Variants in LTN1 observed in about 807,000 individuals in gnomAD.
LTN1 encodes listerin E3 ubiquitin protein ligase 1, also known as E3 ubiquitin-protein ligase listerin.
In LTN1, 88 loss-of-function variants were observed where a neutral mutation model predicts 201.2. That is an observed-to-expected ratio of 0.44 (90% CI 0.37 to 0.52). The LOEUF (loss-of-function observed/expected upper bound fraction) is 0.52, where lower values mean the gene tolerates loss of function less well. LTN1 is among the 20% of genes least tolerant of loss of function. LTN1 has a pLI of 0.00. For missense variants in LTN1, 1,752 were observed against 2,038.7 expected (o/e 0.86, Z 2.71); for synonymous variants, 645 against 713.5 (o/e 0.90, Z 1.53).
chr21:28,977,497 C>T (rs1192268497), intron 6 of LTN1, among the ~76,000 whole-genome samples: 1 of 150,950 alleles, frequency 6.6e-6, no homozygotes, highest in African/African-American at 2.4e-5. Context: ...CTGAGGCGGG[C>T]AGATCACCTG....
At chr21:28,950,049 C>G (rs1474360315) in intron 18 of LTN1, among the ~76,000 whole-genome samples, 1 of 152,064 alleles carries the variant, frequency 6.6e-6, no homozygotes, top group East Asian at 1.9e-4. Context: ...TCACTTTTTT[C>G]AAAAATTTCT....
Position 28,947,599 on chromosome 21 carries a change from G to GA in LTN1, c.3351dup (p.Pro1118SerfsTer4), listed in dbSNP as rs988262129. The GA allele has an allele frequency of 4.5e-6, 7 of 1,540,980 alleles. No individual in the cohort carries two copies. Among genetic ancestry groups the GA allele is most frequent in the Admixed American group, 2.4e-5 (1 of 42,428 alleles). ...GTATGCAAATTGCCTTCAGTTAGTG[G>GA]AAAAAAACTGTTTAAAGAAAAAAAA... On this transcript the variant is annotated frameshift_variant, in exon 19 of 30. Coordinates refer to ENST00000361371, the MANE Select transcript of LTN1 (RefSeq NM_015565.3). LOFTEE classifies it high-confidence loss of function.
In LTN1 at chr21:28,936,625, G is replaced by C. The variant is rs2084259098; in HGVS notation, c.4555C>G (p.Leu1519Val). The C allele has an allele frequency of 1.2e-6, 2 of 1,613,890 alleles. No individual in the cohort carries two copies. Among genetic ancestry groups the C allele is most frequent in the Non-Finnish European group, 1.7e-6 (2 of 1,179,850 alleles). The change falls in exon 26 of 30, where the codon CTT becomes GTT. Residue 1519 changes from leucine to valine, a missense_variant. Physicochemically the swap from Leu to Val is conservative, Grantham distance 32. Around this residue, in one of 3 missense-constraint regions of LTN1, gnomAD observed 261 missense variants for 350.1 expected, o/e 0.75. Coordinates refer to ENST00000361371, the MANE Select transcript of LTN1 (RefSeq NM_015565.3). ...GCATAGGTTGGATTTTCTGGCATAAGCCTGAACAGGTGATAGAGCAATTTA... is the reference window on the plus strand; with the variant it reads ...GCATAGGTTGGATTTTCTGGCATAACCCTGAACAGGTGATAGAGCAATTTA... ...LNKLLYHLFR[L>V]MPENPTYAET...
chr21:28,951,570 T>C (rs2084382919), intron 18 of LTN1, among the ~76,000 whole-genome samples: 1 of 152,026 alleles, frequency 6.6e-6, no homozygotes. Flanking sequence ...ATCAGAGAGA[T>C]TTCTGGGGAA....
intron 6 of LTN1, among the ~76,000 whole-genome samples, chr21:28,980,704 G>GAC (rs1450829475): frequency 2.0e-5 from 3 of 152,042 alleles, no homozygotes; most frequent in Non-Finnish European, 4.4e-5. Flanking sequence ...CAGTATTCAT[G>GAC]ATGAGTTTAT....
intron 16 of LTN1, among the ~76,000 whole-genome samples, chr21:28,955,860 T>C (rs928926888): frequency 7.0e-6 from 1 of 143,854 alleles, no homozygotes; most frequent in Non-Finnish European, 1.5e-5. Context: ...GAAGCAGAGG[T>C]TGTGGTGAGC....
intron 18 of LTN1, among the ~76,000 whole-genome samples, chr21:28,951,082 T>C (rs1211787319): frequency 6.7e-6 from 1 of 149,710 alleles, no homozygotes; most frequent in African/African-American, 2.5e-5. Flanking sequence ...ACTGACTGTA[T>C]CAATGCCTTT....
At chr21:28,939,804 T>C (rs189535929) in intron 25 of LTN1, among the ~76,000 whole-genome samples, 1 of 152,292 alleles carries the variant, frequency 6.6e-6, no homozygotes, top group African/African-American at 2.4e-5. Flanking sequence ...TTTAAGAAAT[T>C]GATGTAAAAG....
At chr21:28,942,000 T>G (rs2084301003) in intron 24 of LTN1, among the ~76,000 whole-genome samples, 1 of 152,192 alleles carries the variant, frequency 6.6e-6, no homozygotes, top group Non-Finnish European at 1.5e-5. Context: ...ATTGAACTAC[T>G]CTACTCATTT....
intron 12 of LTN1, among the ~76,000 whole-genome samples, 161 bp downstream of exon 12, chr21:28,960,356 C>CAA (rs373367581): frequency 6.5e-5 from 6 of 92,496 alleles, no homozygotes; most frequent in East Asian, 2.7e-4. Flanking sequence ...GACTCAGTCT[C>CAA]AAAAAAAAAA....
At chr21:28,951,257 T>G (rs945072113) in intron 18 of LTN1, among the ~76,000 whole-genome samples, 2 of 152,230 alleles carry the variant, frequency 1.3e-5, no homozygotes, top group Non-Finnish European at 2.9e-5. Context: ...AAATTTAATT[T>G]AGAATTCTAC....
intron 24 of LTN1, among the ~76,000 whole-genome samples, chr21:28,942,225 C>T (rs1236366491): frequency 6.6e-6 from 1 of 152,100 alleles, no homozygotes; most frequent in Non-Finnish European, 1.5e-5. Flanking sequence ...TTCTATATTC[C>T]ATACTGATAG....
At chr21:28,943,945 AAGTT>A in intron 22 of LTN1, 41 bp from the exon 23 acceptor site, 1 of 1,209,964 alleles carries the variant, frequency 8.3e-7, no homozygotes, top group South Asian at 1.2e-5. Flanking sequence ...TCTCAAAAGA[AAGTT>A]AGTATAGCTT....
At chr21:28,978,637 A>C (rs1299259153) in intron 6 of LTN1, among the ~76,000 whole-genome samples, 3 of 152,222 alleles carry the variant, frequency 2.0e-5, no homozygotes, top group Admixed American at 2.0e-4. Flanking sequence ...TGATCACATC[A>C]AAATTTTCTT....
rs2084403649 is a variant in LTN1 at position 28,953,866 on chromosome 21, TACTACGA to T, written c.3080-497_3080-491del. 3.9e-5 allele frequency among the ~76,000 whole-genome samples: 6 copies of T among 152,270 alleles called. No individual in the cohort carries two copies. In the South Asian group the frequency reaches 1.2e-3, roughly 32 times the overall value. On this transcript the variant is annotated intron_variant, in intron 16 of 29. Transcript: ENST00000361371. ...CTATATAAATAGTTATCAATTAGGA[TACTACGA>T]ACTACCTCACAGGACTGCTGTGATA...
At chr21:28,949,605 A>T (rs2084367212) in intron 18 of LTN1, among the ~76,000 whole-genome samples, 1 of 152,156 alleles carries the variant, frequency 6.6e-6, no homozygotes, top group African/African-American at 2.4e-5. Context: ...TCTTTTTGTA[A>T]CTGGCTTATT....
rs1427059670 is a variant in LTN1, at chr21:28,981,131, G to C, written c.798C>G (p.His266Gln). The C allele has an allele frequency of 6.4e-7, 1 of 1,557,194 alleles. No individual in the cohort carries two copies. The highest frequency in any genetic ancestry group is 1.2e-5 in the South Asian group (1 of 81,254). Residue 266 changes from histidine (H) to glutamine (Q), a missense_variant, in exon 6 of 30, where the codon CAC becomes CAG. Transcript: ENST00000361371. Reference sequence around the variant, plus strand: ...AAGATTAATATACCTGAGGTACACTGTGTTTTCCATACTTCCAAAACTTAT... The same window carrying C: ...AAGATTAATATACCTGAGGTACACTCTGTTTTCCATACTTCCAAAACTTAT... ...SQNKFWKYGK[H>Q]SVPQIRSAYF... is the part of the protein sequence containing the mutation.
intron 28 of LTN1, 101 bp downstream of exon 28, chr21:28,932,369 T>G: frequency 1.0e-6 from 1 of 974,352 alleles, no homozygotes; most frequent in Non-Finnish European, 1.6e-6. Flanking sequence ...TAATATCTAC[T>G]TTTATCTTAA....
At chr21:28,970,170 G>T (rs1053173694) in intron 8 of LTN1, among the ~76,000 whole-genome samples, 17 of 152,116 alleles carry the variant, frequency 1.1e-4, no homozygotes, top group African/African-American at 4.1e-4. Context: ...TAAAGTTGTT[G>T]ATGTTTTAAA....
Sources: gnomAD v4.1 joint callset for allele counts (sites outside exome capture counted in the v4.1 genomes callset) on GRCh38, gnomAD v4.1.1 for gene constraint, gnomAD v4.1.1 regional missense constraint, MANE v1.5 for transcripts, NCBI Gene and HGNC (gene_info 2026-07-23, HGNC 2026-07-21) for gene names.